The following ABR variants were observed in gnomAD, a reference collection of about 807,000 sequenced individuals.
ABR encodes active breakpoint cluster region-related protein.
Under a neutral mutation model 107.2 loss-of-function variants are expected in ABR, and 35 were observed. The observed-to-expected ratio is 0.33, with a 90% CI of 0.25 to 0.43. ABR has a LOEUF of 0.43. Among genes scored for constraint, ABR ranks in the 20% least tolerant of loss-of-function variants. The probability of loss-of-function intolerance (pLI) is 1.00; values close to 1 mark genes in which losing one functional copy is unlikely to be tolerated. For synonymous variants in ABR, 498 were observed against 462.0 expected, an observed-to-expected ratio of 1.08 and a Z score of -1.00; for missense variants, 815 against 1,115.2, an observed-to-expected ratio of 0.73 and a Z score of 3.83.
chr17:1,221,814 C>A (rs1377352393), intron 1 of ABR, among the ~76,000 whole-genome samples: 2 of 152,290 alleles, frequency 1.3e-5, no homozygotes, highest in Middle Eastern at 3.4e-3. Context: ...CAGGGCTTGA[C>A]GGGGAAGCAT....
Position 1,217,780 on chromosome 17 carries a change from C to A in ABR, c.838+11013G>T, listed in dbSNP as rs112856690. Among the ~76,000 whole-genome samples, 1,069 of 152,240 alleles carry A rather than the reference C, an allele frequency of 7.0e-3. 14 individuals are homozygous for A. Among genetic ancestry groups the A allele is most frequent in the African/African-American group, 0.024 (1,000 of 41,526 alleles). ...TGCAATCTCAGTTCACTGCAACCTC[C>A]ACCTCCCAGGTTCAAGCGATTCTCC... is the stretch of plus-strand genomic sequence containing the variant. On this transcript the variant is annotated intron_variant, in intron 1 of 22. Coordinates refer to the ABR transcript ENST00000574139.
At chr17:1,023,156 T>A (rs991819072) in intron 16 of ABR, among the ~76,000 whole-genome samples, 52 of 145,044 alleles carry the variant, frequency 3.6e-4, no homozygotes, top group African/African-American at 1.1e-3. Flanking sequence ...CTCCAGCGCC[T>A]CTGCCGGCCC....
chr17:1,143,690 T>C (rs1316690689), intron 1 of ABR, among the ~76,000 whole-genome samples: 1 of 152,052 alleles, frequency 6.6e-6, no homozygotes, highest in African/African-American at 2.4e-5. Flanking sequence ...TCCAAGATCC[T>C]TGGAAGAGGG....
At chr17:1,182,328 A>C (rs2042160120), upstream of ABR, 1 of 152,040 alleles carries the variant, frequency 6.6e-6, no homozygotes, top group Non-Finnish European at 1.5e-5. Flanking sequence ...GAGGGCTGGG[A>C]CTTGAACCCT....
chr17:1,148,049 C>G lies in ABR; in HGVS notation c.62-22682G>C. Among the ~76,000 whole-genome samples the G allele has an allele frequency of 6.6e-6, 1 of 152,322 alleles. No homozygotes were observed. The highest frequency in any genetic ancestry group is 2.4e-5 in the African/African-American group (1 of 41,566). On this transcript the variant is annotated intron_variant, in intron 1 of 22. Transcript: ENST00000302538. The surrounding 1 kb of genome is among the most constrained non-coding windows in gnomAD (Gnocchi z 4.9). The stretch of plus-strand genomic sequence containing the variant: ...TGGTCAATGACCCACCCACTCTCCC[C>G]AGGCTGGTCAATGGGCCCACCCCAC...
intron 1 of ABR, among the ~76,000 whole-genome samples, chr17:1,127,314 C>T (rs371437849): frequency 1.3e-5 from 2 of 152,182 alleles, no homozygotes; most frequent in Non-Finnish European, 2.9e-5. Context: ...GTGTACGCCA[C>T]GTACCTGGGC....
In ABR at chr17:1,179,439, C is replaced by T. The variant is rs35378173; in HGVS notation, c.61+228G>A. ...AGGAATCCTCTCTGGGGACCCCCCG[C>T]CCGCGCCCCCCAGACCAGCCCGGCT... is the stretch of plus-strand genomic sequence containing the variant. On this transcript the variant is annotated intron_variant, in intron 1 of 22. Coordinates refer to ENST00000302538, the MANE Select transcript of ABR (RefSeq NM_021962.5). This position sits in a 1 kb window ranked among gnomAD's most constrained non-coding sequence, Gnocchi z 4.9. 0.34 allele frequency among the ~76,000 whole-genome samples: 51,474 copies of T among 151,502 alleles called. 9,051 individuals carry two copies. The highest frequency in any genetic ancestry group is 0.46 in the Middle Eastern group (134 of 294).
chr17:1,057,983 T>C lies in ABR; in HGVS notation c.1368A>G (p.Lys456=). 1 of 1,613,802 alleles carries C rather than the reference T, an allele frequency of 6.2e-7. No homozygotes were observed. The highest frequency in any genetic ancestry group is 8.5e-7 in the Non-Finnish European group (1 of 1,179,846). Residue 456 remains lysine (K), a synonymous_variant, in exon 12 of 23, where the codon AAA becomes AAG. Transcript: ENST00000302538. ...GCAGGAATTTACCCTTCTTCTGTAG[T>C]TTCTGAATTGCTTCTCTCCACTCTG... ...ERSEWREAIQ[K]LQKKDLQAFV...
At chr17:1,048,986 C>T (rs549145295) in intron 16 of ABR, among the ~76,000 whole-genome samples, 63 of 152,306 alleles carry the variant, frequency 4.1e-4, no homozygotes, top group Admixed American at 1.3e-3. Context: ...AGGTACCAGA[C>T]GGGAGTGTGA....
chr17:1,091,595 T>C (rs1459131022), intron 4 of ABR, 70 bp downstream of exon 4: 2 of 1,540,100 alleles, frequency 1.3e-6, no homozygotes, highest in East Asian at 2.2e-5. Flanking sequence ...GGTCCTCTCC[T>C]GAGGCTCCTG....
rs544222751 is a variant in ABR, at chr17:1,084,754, A to T, written c.532-1127T>A. The stretch of plus-strand genomic sequence containing the variant: ...ATACTCATCAGAAGGGTCAAAATTT[A>T]AAAGTCTAATTGACAGCAACGGCTG... On this transcript the variant is annotated intron_variant, in intron 4 of 22. Coordinates refer to ENST00000302538, the MANE Select transcript of ABR (RefSeq NM_021962.5). This position sits in a 1 kb window ranked among gnomAD's most constrained non-coding sequence, Gnocchi z 4.2. Among the ~76,000 whole-genome samples, 6 of 152,352 alleles carry T rather than the reference A, an allele frequency of 3.9e-5. No individual in the cohort carries two copies. The highest frequency in any genetic ancestry group is 1.4e-4 in the African/African-American group (6 of 41,574).
At chr17:1,040,785 C>T (rs1025593916) in intron 16 of ABR, among the ~76,000 whole-genome samples, 5 of 152,202 alleles carry the variant, frequency 3.3e-5, no homozygotes, top group African/African-American at 1.2e-4. Flanking sequence ...TCTGACAGGT[C>T]AGGAAGCTGA....
In ABR at chr17:1,106,400, C is replaced by A. The variant is rs1165333084; in HGVS notation, c.247-5665G>T. ...TCTGCAGCCCAGGACAGGAGTGTAT[C>A]ATCCAGAAATGACCCTTGGCCTGCA... On this transcript the variant is annotated intron_variant, in intron 2 of 22. Transcript: ENST00000302538. Among the ~76,000 whole-genome samples the A allele has an allele frequency of 3.4e-5, 5 of 147,012 alleles. No individual in the cohort carries two copies. In the East Asian group the frequency reaches 1.0e-3, roughly 31 times the overall value.
At chr17:1,129,168 T>G (rs943653636) in intron 1 of ABR, among the ~76,000 whole-genome samples, 1 of 152,096 alleles carries the variant, frequency 6.6e-6, no homozygotes, top group African/African-American at 2.4e-5. Context: ...CGTCACACAC[T>G]GGGGCCTGTT....
chr17:1,191,786 G>A (rs957193157), upstream of ABR, among the ~76,000 whole-genome samples: 15 of 152,262 alleles, frequency 9.9e-5, no homozygotes, highest in African/African-American at 3.6e-4. Flanking sequence ...TGCTACCTGC[G>A]CCCAGGCTGC....
rs766699787 is a variant in ABR at position 1,058,732 on chromosome 17, C to A, written c.1305+13G>T. ...GAAGGGGCTGTCTTGGTCCCACCCC[C>A]ACCCATCCTGACCTTTCCATTCCGA... On this transcript the variant is annotated intron_variant, in intron 11 of 22. Transcript: ENST00000302538. 6.2e-7 allele frequency: 1 copy of A among 1,613,738 alleles called. No individual in the cohort carries two copies. Among genetic ancestry groups the A allele is most frequent in the South Asian group, 1.1e-5 (1 of 90,988 alleles).
intron 4 of ABR, among the ~76,000 whole-genome samples, chr17:1,091,178 T>C (rs1358097790): frequency 2.0e-5 from 3 of 152,058 alleles, no homozygotes; most frequent in Non-Finnish European, 4.4e-5. Context: ...AGGGGAGCAG[T>C]CCTCATGCCC....
rs1447812180 is a variant in ABR, at chr17:1,203,433, G to GGGC, written c.838+25359_838+25360insGCC. 3.9e-4 allele frequency among the ~76,000 whole-genome samples: 35 copies of GGGC among 89,846 alleles called. 9 individuals are homozygous for GGGC. The highest frequency in any genetic ancestry group is 1.4e-3 in the Admixed American group (13 of 9,240). The allele number at this position is 89,846 out of a possible 152,430, so 58.9% of individuals were successfully genotyped here. On this transcript the variant is annotated intron_variant, in intron 1 of 22. Coordinates refer to the ABR transcript ENST00000574139. Reference sequence around the variant, plus strand: ...GGAGTCTGCGGGGGCGGGGCCCGCGGGGACGGAGTCTGCGGGGGCGGGGCC... The same window carrying GGGC: ...GGAGTCTGCGGGGGCGGGGCCCGCGGGGCGGACGGAGTCTGCGGGGGCGGGGCC...
At chr17:1,181,283 G>A (rs926317172), upstream of ABR, among the ~76,000 whole-genome samples, 1 of 152,140 alleles carries the variant, frequency 6.6e-6, no homozygotes, top group Non-Finnish European at 1.5e-5. Flanking sequence ...TAAGCTGCTT[G>A]GGCAGAGGCC....
Sources: gnomAD v4.1 joint callset for allele counts (sites outside exome capture counted in the v4.1 genomes callset) on GRCh38, gnomAD v4.1.1 for gene constraint, Gnocchi (gnomAD v3.1) non-coding constraint, MANE v1.5 for transcripts, NCBI Gene and HGNC (gene_info 2026-07-23, HGNC 2026-07-21) for gene names.